The following CRHR1 variants were observed in gnomAD, a reference collection of about 807,000 sequenced individuals.
The protein encoded by CRHR1 is corticotropin-releasing hormone receptor 1.
CRHR1 carries 28 observed loss-of-function variants against 56.0 expected under a neutral mutation model. The observed-to-expected ratio is 0.50, with a 90% CI of 0.37 to 0.69. The LOEUF is 0.69. Among genes scored for constraint, CRHR1 ranks in the 30% least tolerant of loss-of-function variants. The pLI, the probability that CRHR1 is intolerant of heterozygous loss-of-function variation, is 0.00. For synonymous variants in CRHR1, 195 were observed against 216.5 expected (o/e 0.90, Z 0.87); for missense variants, 376 against 548.0 (o/e 0.69, Z 3.13).
intron 4 of CRHR1, among the ~76,000 whole-genome samples, 176 bp from the exon 5 acceptor site, chr17:45,829,039 C>G (rs1433487580): frequency 6.6e-6 from 1 of 152,184 alleles, no homozygotes; most frequent in Non-Finnish European, 1.5e-5. Context: ...ACAAGCAGAG[C>G]CTCAAACTGG....
At chr17:45,795,020 C>T (rs574101677) in intron 1 of CRHR1, among the ~76,000 whole-genome samples, 81 of 152,318 alleles carry the variant, frequency 5.3e-4, no homozygotes, top group African/African-American at 1.9e-3. Flanking sequence ...GGCAGACCTT[C>T]CTGCATCTCC....
Position 45,833,752 on chromosome 17 carries a change from T to A in CRHR1, c.968T>A (p.Leu323Gln). Reference sequence around the variant, plus strand: ...GCCACTCTGGTGCTGCTGCCCCTCCTGGGCATCACCTACATGCTGTTCTTC... The same window carrying A: ...GCCACTCTGGTGCTGCTGCCCCTCCAGGGCATCACCTACATGCTGTTCTTC... ...VKATLVLLPL[L>Q]GITYMLFFVN... The change falls in exon 11 of 13, where the codon CTG becomes CAG. Residue 323 changes from leucine (L) to glutamine (Q), a missense_variant. Leu to Gln is a moderately radical substitution (Grantham distance 113). Transcript: ENST00000314537. 7.0e-7 allele frequency: 1 copy of A among 1,437,764 alleles called. No individual in the cohort carries two copies. The highest frequency in any genetic ancestry group is 9.3e-7 in the Non-Finnish European group (1 of 1,069,678). The allele number at this position is 1,437,764 out of a possible 1,614,324, so 89.1% of individuals were successfully genotyped here. A position where few individuals can be genotyped will look rare whatever the true frequency, so the allele number is the denominator to read the frequency against.
Position 45,833,747 on chromosome 17 carries a change from C to T in CRHR1, c.963C>T (p.Pro321=). ...TGAAAGCCACTCTGGTGCTGCTGCC[C>T]CTCCTGGGCATCACCTACATGCTGT... ...KAVKATLVLL[P]LLGITYMLFF... The change falls in exon 11 of 13, where the codon CCC becomes CCT. Residue 321 remains proline, a synonymous_variant. Coordinates refer to ENST00000314537, the MANE Select transcript of CRHR1 (RefSeq NM_004382.5). 1 of 1,609,640 alleles carries T rather than the reference C, an allele frequency of 6.2e-7. No homozygotes were observed. The highest frequency in any genetic ancestry group is 1.3e-5 in the African/African-American group (1 of 74,662).
intron 1 of CRHR1, among the ~76,000 whole-genome samples, chr17:45,794,516 G>C (rs2061483178): frequency 6.6e-6 from 1 of 152,258 alleles, no homozygotes; most frequent in South Asian, 2.1e-4. Context: ...ATGGATGTGA[G>C]TGATGTAGTG....
intron 4 of CRHR1, among the ~76,000 whole-genome samples, chr17:45,821,791 C>G (rs2062047671): frequency 6.6e-6 from 1 of 152,216 alleles, no homozygotes; most frequent in African/African-American, 2.4e-5. Context: ...CCACCCTTTT[C>G]CACAACACAT....
Position 45,830,733 on chromosome 17 carries a change from G to A in CRHR1, c.710-147G>A, listed in dbSNP as rs948127913. On this transcript the variant is annotated intron_variant, in intron 7 of 12. Coordinates refer to ENST00000314537, the MANE Select transcript of CRHR1 (RefSeq NM_004382.5). ...CTGCTCCTCTTGGGGGTGGGCGGCA[G>A]TAGAAGCACCTTGAAGGAGGTGTGT... 327 of 1,185,760 alleles carry A rather than the reference G, an allele frequency of 2.8e-4. 2 individuals carry two copies. The highest frequency in any genetic ancestry group is 2.1e-3 in the South Asian group (139 of 67,082). The allele number at this position is 1,185,760 out of a possible 1,614,324, so 73.5% of individuals were successfully genotyped here. A position where few individuals can be genotyped will look rare whatever the true frequency, so the allele number is the denominator to read the frequency against.
intron 10 of CRHR1, 21 bp from the exon 11 acceptor site, chr17:45,833,693 T>TGGGGGGGGGGCCC: frequency 6.4e-6 from 10 of 1,571,602 alleles, no homozygotes; most frequent in Non-Finnish European, 8.7e-6. Flanking sequence ...ACTCCGAGCC[T>TGGGGGGGGGGCCC]CCCCACCCGC....
At chr17:45,820,751 GGGGAAGTGCCACCAT>G (rs1407416816) in intron 3 of CRHR1, among the ~76,000 whole-genome samples, 1 of 152,122 alleles carries the variant, frequency 6.6e-6, no homozygotes, top group Non-Finnish European at 1.5e-5. Flanking sequence ...GGCCCGCTAT[GGGGAAGTGCCACCAT>G]GGGACCTTCC....
chr17:45,815,443 A>C (rs1012017637), intron 2 of CRHR1, among the ~76,000 whole-genome samples: 2 of 152,164 alleles, frequency 1.3e-5, no homozygotes, highest in Non-Finnish European at 2.9e-5. Context: ...CTCTCCTCCA[A>C]AAAGCAAATA....
At chr17:45,821,317 G>A (rs1398442989) in intron 3 of CRHR1, 38 bp from the exon 4 acceptor site, 1 of 1,588,834 alleles carries the variant, frequency 6.3e-7, no homozygotes, top group South Asian at 1.1e-5. Context: ...AGGGGCCGGG[G>A]CTGCCCCGCC....
chr17:45,827,101 G>A (rs1010977155), intron 4 of CRHR1: 2 of 152,250 alleles, frequency 1.3e-5, no homozygotes, highest in South Asian at 2.1e-4. Context: ...TCTCTTCTAC[G>A]GAAAGAACTG....
chr17:45,835,033 G>A lies in CRHR1; in HGVS notation c.*269G>A. On this transcript the variant is annotated 3_prime_UTR_variant, in exon 13 of 13. Transcript: ENST00000314537. Reference sequence around the variant, plus strand: ...CTCCCTGGAGAAGGGACATGGGAATGAATTGAAATGGGGCGCTGGACACCT... The same window carrying A: ...CTCCCTGGAGAAGGGACATGGGAATAAATTGAAATGGGGCGCTGGACACCT... 1.9e-6 allele frequency: 1 copy of A among 522,908 alleles called. No individual in the cohort carries two copies. Among genetic ancestry groups the A allele is most frequent in the Non-Finnish European group, 3.4e-6 (1 of 293,464 alleles). The allele number at this position is 522,908 out of a possible 1,614,324, so 32.4% of individuals were successfully genotyped here.
chr17:45,829,613 G>T lies in CRHR1; in HGVS notation c.434+292G>T, dbSNP rs542050010. ...GGCAGATGGAGCCCTGGAGGTGGGG[G>T]CTCCATGGAGTGGTGCCCCATTTCA... On this transcript the variant is annotated intron_variant, in intron 5 of 12. Transcript: ENST00000314537. 6.8e-5 allele frequency: 106 copies of T among 1,551,008 alleles called. No individual in the cohort carries two copies. The African/African-American group carries it at 1.1e-3, about 17-fold the overall frequency.
At chr17:45,831,125 G>A (rs1161360272) in intron 8 of CRHR1, among the ~76,000 whole-genome samples, 185 bp downstream of exon 8, 1 of 152,192 alleles carries the variant, frequency 6.6e-6, no homozygotes, top group Non-Finnish European at 1.5e-5. Flanking sequence ...CTGCCTGGGT[G>A]GGGCTGGACA....
intron 3 of CRHR1, among the ~76,000 whole-genome samples, chr17:45,818,791 C>T (rs74516879): frequency 6.6e-6 from 1 of 152,164 alleles, no homozygotes; most frequent in Non-Finnish European, 1.5e-5. Context: ...GACTTCTAGG[C>T]CTTCTCCCTA....
At chr17:45,790,242 T>G (rs1481216999) in intron 1 of CRHR1, among the ~76,000 whole-genome samples, 1 of 152,212 alleles carries the variant, frequency 6.6e-6, no homozygotes, top group African/African-American at 2.4e-5. Flanking sequence ...ACGAAATGAT[T>G]CACTCACTGA....
In CRHR1 at chr17:45,833,214, A is replaced by G. The variant is rs1393466715; in HGVS notation, c.843+4A>G. ...CCCCATGATCCTGGTCCTGCTGGTAAGAACCTGGGTAGGGGCAGGAGACAG... is the reference window on the plus strand; with the variant it reads ...CCCCATGATCCTGGTCCTGCTGGTAGGAACCTGGGTAGGGGCAGGAGACAG... On this transcript the variant is annotated splice_donor_region_variant and intron_variant, in intron 9 of 12. Transcript: ENST00000314537. 1 of 1,614,036 alleles carries G rather than the reference A, an allele frequency of 6.2e-7. No individual in the cohort carries two copies. The highest frequency in any genetic ancestry group is 2.2e-5 in the East Asian group (1 of 44,870).
At chr17:45,811,292 C>T (rs1214174766) in intron 2 of CRHR1, among the ~76,000 whole-genome samples, 1 of 152,250 alleles carries the variant, frequency 6.6e-6, no homozygotes, top group East Asian at 1.9e-4. Context: ...ACTAAAGCAG[C>T]CCTCCCAGGA....
chr17:45,833,163 G>T lies in CRHR1; in HGVS notation c.796G>T (p.Val266Leu), dbSNP rs1276387363. The change falls in exon 9 of 13, where the codon GTG becomes TTG. Residue 266 changes from valine to leucine, a missense_variant. Val to Leu is a conservative substitution (Grantham distance 32). Transcript: ENST00000314537. ...GTGCTGGTTTGGCAAAAGGCCTGGG[G>T]TGTACACCGACTACATCTACCAGGG... ...EKCWFGKRPG[V>L]YTDYIYQGPM... 3 of 1,614,048 alleles carry T rather than the reference G, an allele frequency of 1.9e-6. No individual in the cohort carries two copies. The highest frequency in any genetic ancestry group is 1.1e-5 in the South Asian group (1 of 91,090).
Sources: gnomAD v4.1 joint callset for allele counts (sites outside exome capture counted in the v4.1 genomes callset) on GRCh38, gnomAD v4.1.1 for gene constraint, MANE v1.5 for transcripts, NCBI Gene and HGNC (gene_info 2026-07-23, HGNC 2026-07-21) for gene names.